BATF2: variants seen among roughly 807,000 people sequenced by gnomAD.
BATF2 encodes basic leucine zipper transcriptional factor ATF-like 2.
BATF2 carries 4 observed loss-of-function variants against 7.3 expected under a neutral mutation model. That is an observed-to-expected ratio of 0.55 (90% CI 0.27 to 1.26). The LOEUF is 1.26. Ranked by LOEUF, BATF2 falls within the 50% of genes most tolerant of loss-of-function variation. The probability of loss-of-function intolerance (pLI) is 0.11; values close to 1 mark genes in which losing one functional copy is unlikely to be tolerated. For missense variants in BATF2, 295 were observed against 340.5 expected, an observed-to-expected ratio of 0.87 and a Z score of 1.05; for synonymous variants, 152 against 153.9, an observed-to-expected ratio of 0.99 and a Z score of 0.09.
chr11:64,994,948 A>G (rs1379367775), intron 1 of BATF2, among the ~76,000 whole-genome samples: 1 of 152,100 alleles, frequency 6.6e-6, no homozygotes, highest in Non-Finnish European at 1.5e-5. Flanking sequence ...TCCCGGGTTC[A>G]AGCAATTCTC....
At chr11:64,995,546 C>T (rs1946104098) in intron 1 of BATF2, among the ~76,000 whole-genome samples, 1 of 152,158 alleles carries the variant, frequency 6.6e-6, no homozygotes. Flanking sequence ...AGGGTTTATT[C>T]CGGTGGAAGA....
intron 2 of BATF2, chr11:64,990,714 C>G: frequency 1.4e-6 from 1 of 738,096 alleles, no homozygotes; most frequent in Non-Finnish European, 1.7e-6. Context: ...CCTTCAGTCC[C>G]CCACCCCCTT....
intron 2 of BATF2, among the ~76,000 whole-genome samples, chr11:64,992,533 G>C (rs1357912996): frequency 1.3e-5 from 2 of 152,034 alleles, no homozygotes; most frequent in African/African-American, 4.8e-5. Flanking sequence ...TAGAGGATCG[G>C]GTTCTAATCT....
rs539694358 is a variant in BATF2, at chr11:64,992,537, C to A, written c.141+1911G>T. Among the ~76,000 whole-genome samples, 5 of 152,142 alleles carry A rather than the reference C, an allele frequency of 3.3e-5. No homozygotes were observed. In the East Asian group the frequency reaches 9.7e-4, roughly 29 times the overall value. On this transcript the variant is annotated intron_variant, in intron 2 of 2. Coordinates refer to ENST00000301887, the MANE Select transcript of BATF2 (RefSeq NM_138456.4). ...AGGTCCTAGGATAGAGGATCGGGTT[C>A]TAATCTGATAGGATTGGTGGCCTTA...
rs751641909 is a variant in BATF2 at position 64,989,478 on chromosome 11, C to T, written c.476G>A (p.Gly159Asp). 3.1e-6 allele frequency: 5 copies of T among 1,610,854 alleles called. No individual in the cohort carries two copies. Among genetic ancestry groups the T allele is most frequent in the Non-Finnish European group, 4.2e-6 (5 of 1,178,538 alleles). Residue 159 changes from glycine (G) to aspartate (D), a missense_variant, in exon 3 of 3, where the codon GGC (glycine) becomes GAC (aspartate). Physicochemically the swap from Gly to Asp is moderately conservative, Grantham distance 94. Coordinates refer to ENST00000301887, the MANE Select transcript of BATF2 (RefSeq NM_138456.4). This position sits in a 1 kb window ranked among gnomAD's most constrained non-coding sequence, Gnocchi z 4.3. ...LQCPLPSLSL[G>D]PAVVAEPPVQ... ...AGGAGGTTCAGCAACCACAGCGGGG[C>T]CAAGGGACAGTGAGGGCAGGGGGCA...
chr11:64,990,089 G>A (rs978291434), intron 2 of BATF2: 102 of 1,535,782 alleles, frequency 6.6e-5, no homozygotes, highest in Non-Finnish European at 8.1e-5. Flanking sequence ...ATATGCACGG[G>A]CCTCCAACCC....
In BATF2 at chr11:64,988,838, C is replaced by T. The variant is rs558678538; in HGVS notation, c.*291G>A. The T allele has an allele frequency of 4.2e-4, 181 of 434,812 alleles. No homozygotes were observed. Among genetic ancestry groups the T allele is most frequent in the Non-Finnish European group, 6.4e-4 (151 of 237,066 alleles). 26.9% of individuals were successfully genotyped at this position (434,812 alleles called of 1,614,324 possible). On this transcript the variant is annotated 3_prime_UTR_variant, in exon 3 of 3. Transcript: ENST00000301887. ...GTGTTTCGGGCTCCAAGAAAGTCTT[C>T]GTGACCTTGGACTTGTCACTTGGCT...
chr11:64,991,639 T>G, intron 2 of BATF2, among the ~76,000 whole-genome samples: 1 of 152,138 alleles, frequency 6.6e-6, no homozygotes, highest in East Asian at 1.9e-4. Flanking sequence ...GCTTTAGTTT[T>G]CCCAACAGGA....
intron 2 of BATF2, among the ~76,000 whole-genome samples, chr11:64,992,984 C>A (rs1164572384): frequency 2.0e-5 from 3 of 151,102 alleles, no homozygotes; most frequent in Non-Finnish European, 4.4e-5. Context: ...CATAGCAAGA[C>A]CCCCATCACT....
chr11:64,995,799 C>T (rs1413878064), intron 1 of BATF2, among the ~76,000 whole-genome samples: 1 of 152,096 alleles, frequency 6.6e-6, no homozygotes, highest in Admixed American at 6.6e-5. Context: ...CCATATGCTC[C>T]CTTGGGCCAT....
intron 2 of BATF2, chr11:64,990,540 A>C (rs1946067837): frequency 1.8e-6 from 2 of 1,102,722 alleles, no homozygotes; most frequent in African/African-American, 3.2e-5. Flanking sequence ...TGCATCCCTG[A>C]ATCAGCATTT....
At chr11:64,990,936 G>A (rs1195783355) in intron 2 of BATF2, among the ~76,000 whole-genome samples, 8 of 146,354 alleles carry the variant, frequency 5.5e-5, no homozygotes, top group South Asian at 2.2e-4. Flanking sequence ...GACCACAGGC[G>A]CCCGCCACCA....
rs777969334 is a variant in BATF2 at position 64,989,285 on chromosome 11, G to A, written c.669C>T (p.Pro223=). The A allele has an allele frequency of 1.8e-5, 28 of 1,596,040 alleles. No homozygotes were observed. Among genetic ancestry groups the A allele is most frequent in the Admixed American group, 1.6e-4 (9 of 58,020 alleles). ...HPTRGKLGSS[P]DNPSSALGLA... ...GCCCCAGGGCAGAGGAAGGGTTGTC[G>A]GGAGAGGACCCCAGCTTCCCTCTGG... Residue 223 remains proline, a synonymous_variant, in exon 3 of 3, where the codon CCC becomes CCT. Transcript: ENST00000301887. The surrounding 1 kb of genome is among the most constrained non-coding windows in gnomAD (Gnocchi z 4.3).
At chr11:64,991,537 G>A (rs186465828) in intron 2 of BATF2, among the ~76,000 whole-genome samples, 63 of 152,262 alleles carry the variant, frequency 4.1e-4, no homozygotes, top group Non-Finnish European at 7.5e-4. Flanking sequence ...CTCCAGGAAC[G>A]GAGTCACTCA....
Position 64,989,473 on chromosome 11 carries a change from C to T in BATF2, c.481G>A (p.Ala161Thr), listed in dbSNP as rs376983784. 2.9e-5 allele frequency: 46 copies of T among 1,610,668 alleles called. No individual in the cohort carries two copies. The highest frequency in any genetic ancestry group is 2.8e-4 in the African/African-American group (21 of 74,818). ...TGGACAGGAGGTTCAGCAACCACAG[C>T]GGGGCCAAGGGACAGTGAGGGCAGG... is the stretch of plus-strand genomic sequence containing the variant. Reference protein sequence around the residue: ...CPLPSLSLGPAVVAEPPVQLS... With the variant: ...CPLPSLSLGPTVVAEPPVQLS... Residue 161 changes from alanine to threonine, a missense_variant, in exon 3 of 3, where the codon GCT (alanine) becomes ACT (threonine). By Grantham distance (58) the Ala-to-Thr change is moderately conservative. Coordinates refer to ENST00000301887, the MANE Select transcript of BATF2 (RefSeq NM_138456.4). The surrounding 1 kb of genome is among the most constrained non-coding windows in gnomAD (Gnocchi z 4.3).
At chr11:64,990,036 T>A in intron 2 of BATF2, 1 of 1,536,982 alleles carries the variant, frequency 6.5e-7, no homozygotes. Flanking sequence ...CCTGCTGTCA[T>A]CCCACCACTA....
chr11:64,990,939 C>T (rs376723870), intron 2 of BATF2, among the ~76,000 whole-genome samples: 93 of 151,552 alleles, frequency 6.1e-4, no homozygotes, highest in African/African-American at 1.6e-3. Context: ...CACAGGCGCC[C>T]GCCACCACGC....
chr11:64,992,681 AG>A (rs1401772109), intron 2 of BATF2, among the ~76,000 whole-genome samples: 1 of 147,704 alleles, frequency 6.8e-6, no homozygotes, highest in Non-Finnish European at 1.5e-5. Flanking sequence ...GGCTACATGG[AG>A]AAACTCTGTC....
At position 64,996,858 on chromosome 11, in the gene BATF2, C is replaced by T; in HGVS notation, c.39+18G>A. On this transcript the variant is annotated intron_variant, in intron 1 of 2. Transcript: ENST00000301887. The stretch of plus-strand genomic sequence containing the variant: ...CAGCTCCCCTTCTCATCCCCGATCC[C>T]CAATCCCCTGTACTCACTGTCTGGG... 6.2e-7 allele frequency: 1 copy of T among 1,612,126 alleles called. No homozygotes were observed. Among genetic ancestry groups the T allele is most frequent in the Non-Finnish European group, 8.5e-7 (1 of 1,179,106 alleles).
Sources: allele counts gnomAD v4.1 joint callset (sites outside exome capture counted in the v4.1 genomes callset), GRCh38; gene constraint gnomAD v4.1.1; non-coding constraint Gnocchi (gnomAD v3.1); transcripts MANE v1.5; gene names NCBI Gene and HGNC (gene_info 2026-07-23, HGNC 2026-07-21).